ASIC2: variants seen among roughly 807,000 people sequenced by gnomAD.
ASIC2 encodes the protein acid-sensing ion channel 2.
ASIC2 carries 25 observed loss-of-function variants against 57.3 expected under a neutral mutation model. The observed-to-expected ratio is 0.44, with a 90% CI of 0.32 to 0.61. The LOEUF (loss-of-function observed/expected upper bound fraction) is 0.61. Ranked by LOEUF, ASIC2 falls within the 20% of genes least tolerant of loss-of-function variation. ASIC2 has a pLI of 0.06. For missense variants in ASIC2, 641 were observed against 738.1 expected (o/e 0.87, Z 1.52); for synonymous variants, 319 against 307.5 (o/e 1.04, Z -0.39).
chr17:33,449,759 ATTTTCTT>A (rs969293122), intron 1 of ASIC2, among the ~76,000 whole-genome samples: 16 of 150,546 alleles, frequency 1.1e-4, no homozygotes, highest in Non-Finnish European at 3.0e-5. Context: ...TCACAGAATA[ATTTTCTT>A]TTTTCTTTTC....
intron 1 of ASIC2, among the ~76,000 whole-genome samples, chr17:34,011,553 C>T (rs1189301037): frequency 6.6e-6 from 1 of 152,098 alleles, no homozygotes; most frequent in Admixed American, 6.5e-5. Context: ...CCATTCCCCG[C>T]CCTCCTCCCT....
intron 1 of ASIC2, among the ~76,000 whole-genome samples, chr17:33,947,338 G>A (rs190085628): frequency 2.6e-4 from 39 of 152,228 alleles, no homozygotes; most frequent in African/African-American, 6.0e-4. Flanking sequence ...TTGGCGTTTC[G>A]CTCTAATTAC....
chr17:33,841,455 C>A (rs1567731244), intron 1 of ASIC2, among the ~76,000 whole-genome samples: 1 of 152,216 alleles, frequency 6.6e-6, no homozygotes, highest in Non-Finnish European at 1.5e-5. Context: ...GGCAGTTAGG[C>A]ACAGGTGTGC....
chr17:33,716,249 A>G (rs984656939), intron 1 of ASIC2, among the ~76,000 whole-genome samples: 1 of 152,194 alleles, frequency 6.6e-6, no homozygotes, highest in Non-Finnish European at 1.5e-5. Flanking sequence ...AAATCTGATC[A>G]TGTCCCTCCA....
At chr17:33,721,759 G>A (rs1909396959) in intron 1 of ASIC2, among the ~76,000 whole-genome samples, 1 of 152,224 alleles carries the variant, frequency 6.6e-6, no homozygotes, top group South Asian at 2.1e-4. Context: ...AGGCCTGGAT[G>A]AAGTAAGAGG....
At chr17:33,496,606 T>TG (rs1913940610) in intron 1 of ASIC2, among the ~76,000 whole-genome samples, 4 of 41,508 alleles carry the variant, frequency 9.6e-5, no homozygotes, top group African/African-American at 4.7e-4. Context: ...ATTGTAGGTT[T>TG]TTTTTTTTTT....
At chr17:33,680,119 G>C (rs936134786) in intron 1 of ASIC2, among the ~76,000 whole-genome samples, 1 of 152,276 alleles carries the variant, frequency 6.6e-6, no homozygotes, top group East Asian at 1.9e-4. Flanking sequence ...CTGAATGTCA[G>C]GGCAAGGCCA....
intron 1 of ASIC2, among the ~76,000 whole-genome samples, chr17:33,246,373 A>G (rs1908689443): frequency 6.6e-6 from 1 of 152,214 alleles, no homozygotes; most frequent in Non-Finnish European, 1.5e-5. Flanking sequence ...CCTAAGGATG[A>G]AACGCCATGT....
chr17:33,201,474 A>G (rs1227781928), intron 1 of ASIC2, among the ~76,000 whole-genome samples: 1 of 152,190 alleles, frequency 6.6e-6, no homozygotes, highest in Non-Finnish European at 1.5e-5. Context: ...CGTGCCCACC[A>G]ATGCCATGTC....
intron 3 of ASIC2, among the ~76,000 whole-genome samples, chr17:33,064,269 T>C (rs1317905935): frequency 6.6e-6 from 1 of 152,188 alleles, no homozygotes; most frequent in Non-Finnish European, 1.5e-5. Flanking sequence ...TTCTGCTCTG[T>C]TTTTTCCCCA....
chr17:33,264,531 AC>A (rs1909393688), intron 1 of ASIC2, among the ~76,000 whole-genome samples: 1 of 152,226 alleles, frequency 6.6e-6, no homozygotes, highest in African/African-American at 2.4e-5. Flanking sequence ...TGTGATCAGA[AC>A]CACTGCATCC....
chr17:33,272,858 G>A (rs1822702487), intron 1 of ASIC2, among the ~76,000 whole-genome samples: 1 of 152,132 alleles, frequency 6.6e-6, no homozygotes, highest in African/African-American at 2.4e-5. Context: ...TTTTACAAAT[G>A]AGAAAACTGA....
chr17:33,414,915 G>A (rs1438983230), intron 1 of ASIC2, among the ~76,000 whole-genome samples: 1 of 152,134 alleles, frequency 6.6e-6, no homozygotes, highest in Non-Finnish European at 1.5e-5. Flanking sequence ...CTTCTAATCA[G>A]GACATGCAGT....
At chr17:33,924,143 G>A (rs998658466) in intron 1 of ASIC2, among the ~76,000 whole-genome samples, 1 of 152,196 alleles carries the variant, frequency 6.6e-6, no homozygotes, top group Non-Finnish European at 1.5e-5. Context: ...TTATCACATG[G>A]CCTGGCCAAG....
At chr17:33,990,881 T>A (rs1263556288) in intron 1 of ASIC2, among the ~76,000 whole-genome samples, 1 of 152,158 alleles carries the variant, frequency 6.6e-6, no homozygotes, top group Admixed American at 6.5e-5. Context: ...GAACTATGAA[T>A]AATCACATAC....
Position 34,131,716 on chromosome 17 carries a change from T to G in ASIC2, c.555+24262A>C, listed in dbSNP as rs541303754. Among the ~76,000 whole-genome samples, 11 of 152,372 alleles carry G rather than the reference T, an allele frequency of 7.2e-5. No individual in the cohort carries two copies. The South Asian group carries it at 2.1e-3, about 29-fold the overall frequency. ...AACAAAGGAGAAATATTTCAGTCTG[T>G]GGCTCTGCGTGCCTTTCCTTTAATC... On this transcript the variant is annotated intron_variant, in intron 1 of 9. Transcript: ENST00000359872.
At chr17:33,385,017 A>T (rs1180970665) in intron 1 of ASIC2, among the ~76,000 whole-genome samples, 1 of 152,184 alleles carries the variant, frequency 6.6e-6, no homozygotes, top group Non-Finnish European at 1.5e-5. Context: ...TCTCTCCTTT[A>T]TTAGCTGCAT....
At chr17:33,987,325 C>T (rs1462850449) in intron 1 of ASIC2, among the ~76,000 whole-genome samples, 1 of 152,122 alleles carries the variant, frequency 6.6e-6, no homozygotes, top group African/African-American at 2.4e-5. Context: ...GCAGTCTTGC[C>T]CCAGCCTTTG....
intron 1 of ASIC2, among the ~76,000 whole-genome samples, chr17:33,667,735 T>A (rs1907520354): frequency 6.6e-6 from 1 of 152,202 alleles, no homozygotes; most frequent in Admixed American, 6.5e-5. Context: ...AGAACTAACC[T>A]TCTTCTTACT....
Sources: allele counts gnomAD v4.1 joint callset (sites outside exome capture counted in the v4.1 genomes callset), GRCh38; gene constraint gnomAD v4.1.1; transcripts MANE v1.5; gene names NCBI Gene and HGNC (gene_info 2026-07-23, HGNC 2026-07-21).